The following ZDHHC5 variants were observed in gnomAD, a reference collection of about 807,000 sequenced individuals.
ZDHHC5 encodes palmitoyltransferase ZDHHC5.
Under a neutral mutation model 70.0 loss-of-function variants are expected in ZDHHC5, and 22 were observed. That is an observed-to-expected ratio of 0.31 (90% confidence interval 0.22 to 0.45). The LOEUF is 0.45. Among genes scored for constraint, ZDHHC5 ranks in the 20% least tolerant of loss-of-function variants. ZDHHC5 has a pLI of 1.00. For missense variants in ZDHHC5, 746 were observed against 926.9 expected, an observed-to-expected ratio of 0.80 and a Z score of 2.53; for synonymous variants, 313 against 347.8, an observed-to-expected ratio of 0.90 and a Z score of 1.11.
At chr11:57,673,764 G>T (rs1411982071) in intron 2 of ZDHHC5, among the ~76,000 whole-genome samples, 1 of 152,150 alleles carries the variant, frequency 6.6e-6, no homozygotes, top group Non-Finnish European at 1.5e-5. Context: ...TAGAGATGGG[G>T]TTTCACCATA....
intron 2 of ZDHHC5, among the ~76,000 whole-genome samples, chr11:57,679,150 A>T (rs1284349302): frequency 6.6e-6 from 1 of 151,798 alleles, no homozygotes; most frequent in Non-Finnish European, 1.5e-5. Context: ...ATTTATTTTT[A>T]TTTTTTATTT....
At position 57,700,525 on chromosome 11, in the gene ZDHHC5, C is replaced by T. The variant is rs1174550832; in HGVS notation, c.*494C>T. ...GGGGGATCTTACTCTTCCCATTCCT[C>T]AGACCAGCAGGAAAAGAGGGGAGAC... On this transcript the variant is annotated 3_prime_UTR_variant, in exon 12 of 12. Transcript: ENST00000287169. 6.6e-6 allele frequency: 1 copy of T among 152,248 alleles called. No individual in the cohort carries two copies. The highest frequency in any genetic ancestry group is 2.4e-5 in the African/African-American group (1 of 41,312). 9.4% of individuals were successfully genotyped at this position (152,248 alleles called of 1,614,324 possible).
rs1223898223 is a variant in ZDHHC5, at chr11:57,699,079, A to G, written c.1643A>G (p.Glu548Gly). 3 of 1,613,814 alleles carry G rather than the reference A, an allele frequency of 1.9e-6. No individual in the cohort carries two copies. In the South Asian group the frequency reaches 3.3e-5, roughly 18 times the overall value. The change falls in exon 11 of 12, where the codon GAG (glutamate) becomes GGG (glycine). Residue 548 changes from glutamate (E) to glycine (G), a missense_variant. Transcript: ENST00000287169. ...ATTGTGGCCTCTCTCCAGGAACGAG[A>G]GAAGTTGCTGCGCCAGTCACCCCCA... is the stretch of plus-strand genomic sequence containing the variant. The part of the protein sequence containing the change: ...RHIVASLQER[E>G]KLLRQSPPLP...
chr11:57,695,925 G>C lies in ZDHHC5; in HGVS notation c.891G>C (p.Lys297Asn). 1 of 1,613,694 alleles carries C rather than the reference G, an allele frequency of 6.2e-7. No individual in the cohort carries two copies. The highest frequency in any genetic ancestry group is 8.5e-7 in the Non-Finnish European group (1 of 1,179,880). The part of the protein sequence containing the change: ...IQGELRRTKS[K>N]GSLEITESQS... ...CCCTCCCTTCATCAATCCAGTCTAAGGGAAGCCTGGAGATAACAGAGAGCC... is the reference window on the plus strand; with the variant it reads ...CCCTCCCTTCATCAATCCAGTCTAACGGAAGCCTGGAGATAACAGAGAGCC... Residue 297 changes from lysine (K) to asparagine (N), a missense_variant, in exon 9 of 12, where the codon AAG becomes AAC. Lys to Asn is a moderately conservative substitution (Grantham distance 94). Coordinates refer to ENST00000287169, the MANE Select transcript of ZDHHC5 (RefSeq NM_015457.3).
rs1019630932 is a variant in ZDHHC5 at position 57,673,285 on chromosome 11, A to G, written c.104+91A>G. The G allele has an allele frequency of 3.2e-6, 4 of 1,233,446 alleles. No individual in the cohort carries two copies. The African/African-American group carries it at 4.5e-5, about 14-fold the overall frequency. The allele number at this position is 1,233,446 out of a possible 1,614,324, so 76.4% of individuals were successfully genotyped here. A position where few individuals can be genotyped will look rare whatever the true frequency, so the allele number is the denominator to read the frequency against. ...CTTTCTCTTGAGTTTTGCAAAGCCA[A>G]GTGACTGAGAGGGCTCAGCGTCTGG... is the stretch of plus-strand genomic sequence containing the variant. On this transcript the variant is annotated intron_variant, in intron 2 of 11. Transcript: ENST00000287169.
chr11:57,668,531 C>G (rs1945955959), intron 1 of ZDHHC5: 1 of 152,416 alleles, frequency 6.6e-6, no homozygotes, highest in Non-Finnish European at 1.5e-5. Context: ...CTCTCAACCT[C>G]GGTGGGCCTG....
intron 4 of ZDHHC5, among the ~76,000 whole-genome samples, chr11:57,688,948 C>G (rs1232259926): frequency 2.0e-5 from 3 of 152,196 alleles, no homozygotes; most frequent in Admixed American, 2.0e-4. Flanking sequence ...TGGACTATCT[C>G]AAATTCCTGG....
rs761066199 is a variant in ZDHHC5, at chr11:57,690,455, G to A, written c.660+18G>A. The A allele has an allele frequency of 2.5e-6, 4 of 1,613,286 alleles. No homozygotes were observed. The highest frequency in any genetic ancestry group is 1.7e-5 in the Admixed American group (1 of 59,992). ...ATGAACAGGTATGGAGAAAAGTGACGAGAGACCCCTGAAGAGCAGGTCATG... is the reference window on the plus strand; with the variant it reads ...ATGAACAGGTATGGAGAAAAGTGACAAGAGACCCCTGAAGAGCAGGTCATG... On this transcript the variant is annotated intron_variant, in intron 6 of 11. Coordinates refer to ENST00000287169, the MANE Select transcript of ZDHHC5 (RefSeq NM_015457.3).
At chr11:57,691,635 GT>G (rs562547414) in intron 6 of ZDHHC5, among the ~76,000 whole-genome samples, 5 of 152,148 alleles carry the variant, frequency 3.3e-5, no homozygotes, top group Non-Finnish European at 4.4e-5. Context: ...TAAGATGATA[GT>G]TTTTTAAACA....
intron 10 of ZDHHC5, among the ~76,000 whole-genome samples, chr11:57,698,118 A>AACACACACACAC (rs113494839): frequency 0.015 from 1,664 of 110,350 alleles, 34 homozygotes; most frequent in African/African-American, 0.042. Context: ...CTGGGCTTAA[A>AACACACACACAC]ACACACACAC....
chr11:57,689,524 C>T (rs1372524301), intron 4 of ZDHHC5, among the ~76,000 whole-genome samples: 5 of 151,950 alleles, frequency 3.3e-5, no homozygotes, highest in South Asian at 2.1e-4. Flanking sequence ...ATTACAGGCA[C>T]GCGCTACCAC....
Position 57,693,810 on chromosome 11 carries a change from G to A in ZDHHC5, c.780G>A (p.Lys260=). The change falls in exon 8 of 12, where the codon AAG becomes AAA. Residue 260 remains lysine (K), a synonymous_variant. Coordinates refer to ENST00000287169, the MANE Select transcript of ZDHHC5 (RefSeq NM_015457.3). ...PRYLGRPKKE[K]TIVIRPPFLR... Reference sequence around the variant, plus strand: ...ATTTGGGGAGACCAAAGAAAGAGAAGACAATTGTAATCAGACCTCCCTTCC... The same window carrying A: ...ATTTGGGGAGACCAAAGAAAGAGAAAACAATTGTAATCAGACCTCCCTTCC... 1.9e-6 allele frequency: 3 copies of A among 1,582,764 alleles called. No individual in the cohort carries two copies. Among genetic ancestry groups the A allele is most frequent in the Non-Finnish European group, 1.7e-6 (2 of 1,164,736 alleles).
intron 3 of ZDHHC5, among the ~76,000 whole-genome samples, chr11:57,684,077 G>A (rs987250910): frequency 4.0e-5 from 6 of 150,590 alleles, no homozygotes; most frequent in Middle Eastern, 3.4e-3. Flanking sequence ...TGGCTCAGGT[G>A]ATCTCCCACC....
At chr11:57,698,311 G>A (rs375868388) in intron 10 of ZDHHC5, among the ~76,000 whole-genome samples, 1 of 152,262 alleles carries the variant, frequency 6.6e-6, no homozygotes, top group African/African-American at 2.4e-5. Flanking sequence ...TGCTTGATCC[G>A]AGTTTATAAC....
intron 2 of ZDHHC5, among the ~76,000 whole-genome samples, chr11:57,677,993 T>C (rs1026260487): frequency 1.3e-5 from 2 of 152,220 alleles, no homozygotes; most frequent in African/African-American, 4.8e-5. Context: ...GAAATTGTTT[T>C]CTCATGGAAT....
intron 7 of ZDHHC5, 145 bp downstream of exon 7, chr11:57,692,847 A>G: frequency 3.9e-6 from 3 of 768,808 alleles, no homozygotes; most frequent in Non-Finnish European, 6.2e-6. Flanking sequence ...CTATCTTAGA[A>G]TGGTAAGTAG....
Position 57,695,419 on chromosome 11 carries a change from C to CA in ZDHHC5, c.886-490dup, listed in dbSNP as rs1048034452. Among the ~76,000 whole-genome samples the CA allele has an allele frequency of 4.6e-4, 67 of 144,450 alleles. 1 individual carries two copies. Among genetic ancestry groups the CA allele is most frequent in the East Asian group, 1.6e-3 (8 of 4,994 alleles). The allele number at this position is 144,450 out of a possible 152,430, so 94.8% of individuals were successfully genotyped here. A position where few individuals can be genotyped will look rare whatever the true frequency, so the allele number is the denominator to read the frequency against. Reference sequence around the variant, plus strand: ...TGGGTGACTGAGCAAGACTCCATTTCAAAAAAAAAAACCCAACTTTTCTTC... The same window carrying CA: ...TGGGTGACTGAGCAAGACTCCATTTCAAAAAAAAAAAACCCAACTTTTCTTC... On this transcript the variant is annotated intron_variant, in intron 8 of 11. Coordinates refer to ENST00000287169, the MANE Select transcript of ZDHHC5 (RefSeq NM_015457.3).
In ZDHHC5 at chr11:57,682,644, T is replaced by G. The variant is rs935040703; in HGVS notation, c.226+101T>G. 2.1e-6 allele frequency: 3 copies of G among 1,400,870 alleles called. No homozygotes were observed. The African/African-American group carries it at 4.3e-5, about 20-fold the overall frequency. 86.8% of individuals were successfully genotyped at this position (1,400,870 alleles called of 1,614,324 possible). On this transcript the variant is annotated intron_variant, in intron 3 of 11. Transcript: ENST00000287169. Reference sequence around the variant, plus strand: ...TTGGGCCTTAAGAGTCCTGGGATTTTGGGATATGAAAAATAATGATTTGGG... The same window carrying G: ...TTGGGCCTTAAGAGTCCTGGGATTTGGGGATATGAAAAATAATGATTTGGG...
Position 57,668,167 on chromosome 11 carries a change from T to C in ZDHHC5, c.-1091T>C. Reference sequence around the variant, plus strand: ...GCGGCGGTGACAACGACGGCGGTGGTGACGGGCACCGGGCTCGCGGGTGAG... The same window carrying C: ...GCGGCGGTGACAACGACGGCGGTGGCGACGGGCACCGGGCTCGCGGGTGAG... On this transcript the variant is annotated 5_prime_UTR_variant, in exon 1 of 12. Coordinates refer to ENST00000287169, the MANE Select transcript of ZDHHC5 (RefSeq NM_015457.3). The C allele has an allele frequency of 2.7e-6, 1 of 367,538 alleles. No homozygotes were observed. Among genetic ancestry groups the C allele is most frequent in the Non-Finnish European group, 4.8e-6 (1 of 206,444 alleles). 22.8% of individuals were successfully genotyped at this position (367,538 alleles called of 1,614,324 possible). A position where few individuals can be genotyped will look rare whatever the true frequency, so the allele number is the denominator to read the frequency against.
Sources: gnomAD v4.1 joint callset for allele counts (sites outside exome capture counted in the v4.1 genomes callset) on GRCh38, gnomAD v4.1.1 for gene constraint, MANE v1.5 for transcripts, NCBI Gene and HGNC (gene_info 2026-07-23, HGNC 2026-07-21) for gene names.